CTNND2: variants seen among roughly 807,000 people sequenced by gnomAD.
The protein encoded by CTNND2 is catenin delta 2.
In CTNND2, 22 loss-of-function variants were observed where a neutral mutation model predicts 144.4. That is an observed-to-expected ratio of 0.15 (90% CI 0.11 to 0.22). The LOEUF (loss-of-function observed/expected upper bound fraction) is 0.22. CTNND2 is among the 10% of genes least tolerant of loss of function. The probability of loss-of-function intolerance (pLI) is 1.00; values close to 1 mark genes in which losing one functional copy is unlikely to be tolerated. For missense variants in CTNND2, 1,353 were observed against 1,618.8 expected (o/e 0.84, Z 2.82); for synonymous variants, 751 against 695.6 (o/e 1.08, Z -1.25).
intron 9 of CTNND2, among the ~76,000 whole-genome samples, chr5:11,242,395 A>C (rs1318133927): frequency 6.6e-6 from 1 of 152,224 alleles, no homozygotes; most frequent in African/African-American, 2.4e-5. Context: ...CCATAAAACT[A>C]TGTTGCCTGC....
chr5:11,128,488 T>G (rs1561348829), intron 12 of CTNND2, among the ~76,000 whole-genome samples: 1 of 151,452 alleles, frequency 6.6e-6, no homozygotes, highest in African/African-American at 2.4e-5. Flanking sequence ...TATTTTGTTT[T>G]TTTAAGTCAT....
intron 7 of CTNND2, among the ~76,000 whole-genome samples, chr5:11,382,595 C>CTGTGTA (rs755324887): frequency 1.7e-4 from 22 of 130,234 alleles, no homozygotes; most frequent in East Asian, 6.5e-4. Flanking sequence ...GAGTGAGACT[C>CTGTGTA]TGTGTGTGTG....
At chr5:11,816,453 T>C (rs1190387842) in intron 1 of CTNND2, among the ~76,000 whole-genome samples, 2 of 150,984 alleles carry the variant, frequency 1.3e-5, no homozygotes, top group Admixed American at 1.3e-4. Flanking sequence ...TGCATCAGGG[T>C]CTACGCAGAA....
At chr5:11,845,658 T>C (rs1794698830) in intron 1 of CTNND2, among the ~76,000 whole-genome samples, 1 of 152,230 alleles carries the variant, frequency 6.6e-6, no homozygotes, top group Non-Finnish European at 1.5e-5. Context: ...TCCAAAACTA[T>C]GTTTTTATTA....
intron 10 of CTNND2, among the ~76,000 whole-genome samples, chr5:11,216,494 G>A (rs1739214766): frequency 6.6e-6 from 1 of 152,222 alleles, no homozygotes; most frequent in South Asian, 2.1e-4. Flanking sequence ...GAGTGAAGGG[G>A]CCATAGACCA....
chr5:11,205,259 T>A (rs1014451954), intron 10 of CTNND2, among the ~76,000 whole-genome samples: 1 of 152,174 alleles, frequency 6.6e-6, no homozygotes, highest in Admixed American at 6.5e-5. Context: ...ATGGATACTA[T>A]GTACTATAGT....
chr5:11,428,446 G>A (rs534645412), intron 3 of CTNND2, among the ~76,000 whole-genome samples: 71 of 152,232 alleles, frequency 4.7e-4, no homozygotes, highest in Admixed American at 3.3e-4. Flanking sequence ...CCTTAGATGA[G>A]GCCAACTGAG....
At chr5:11,578,040 C>T (rs1267534292) in intron 2 of CTNND2, among the ~76,000 whole-genome samples, 1 of 151,960 alleles carries the variant, frequency 6.6e-6, no homozygotes, top group Admixed American at 6.6e-5. Flanking sequence ...GTTCTTACAC[C>T]CAAAAAAATA....
intron 2 of CTNND2, among the ~76,000 whole-genome samples, chr5:11,618,292 C>G (rs948911122): frequency 6.6e-6 from 1 of 152,124 alleles, no homozygotes. Flanking sequence ...ACTGTGGAAT[C>G]AAAGAGAAGC....
rs1758910610 is a variant in CTNND2, at chr5:11,385,017, A to C, written c.825T>G (p.Gly275=). ...CGCCGCGCTGCAGCTTGGTGGGCGA[A>C]CCGCCCTGGGGCGCGGCCAGCGGGG... ...GGSPLAAPQG[G]SPTKLQRGGS... The change falls in exon 7 of 22, where the codon GGT becomes GGG. Residue 275 remains glycine, a synonymous_variant. Transcript: ENST00000304623. 10 of 1,454,272 alleles carry C rather than the reference A, an allele frequency of 6.9e-6. No individual in the cohort carries two copies. The highest frequency in any genetic ancestry group is 8.1e-6 in the Non-Finnish European group (9 of 1,109,664). 90.1% of individuals were successfully genotyped at this position (1,454,272 alleles called of 1,614,324 possible).
intron 1 of CTNND2, among the ~76,000 whole-genome samples, chr5:11,902,045 T>C (rs1737939465): frequency 6.6e-6 from 1 of 152,216 alleles, no homozygotes; most frequent in African/African-American, 2.4e-5. Flanking sequence ...CTAATCACAG[T>C]ATTCAATCAA....
intron 16 of CTNND2, among the ~76,000 whole-genome samples, chr5:11,064,349 C>T (rs754176146): frequency 2.6e-5 from 4 of 152,176 alleles, no homozygotes; most frequent in East Asian, 1.9e-4. Context: ...ATCTAGTCAC[C>T]GCATAACTGA....
chr5:11,509,047 T>A (rs1771370199), intron 3 of CTNND2, among the ~76,000 whole-genome samples: 1 of 152,236 alleles, frequency 6.6e-6, no homozygotes, highest in Non-Finnish European at 1.5e-5. Flanking sequence ...GATGTTAACA[T>A]GATTTAACTT....
At chr5:11,861,675 G>GTC (rs1560937482) in intron 1 of CTNND2, among the ~76,000 whole-genome samples, 2 of 152,126 alleles carry the variant, frequency 1.3e-5, no homozygotes, top group African/African-American at 2.4e-5. Flanking sequence ...ACTCGATCAC[G>GTC]TCCCTTCTCT....
intron 3 of CTNND2, among the ~76,000 whole-genome samples, chr5:11,458,357 C>G (rs1436867785): frequency 1.3e-5 from 2 of 152,140 alleles, no homozygotes; most frequent in Non-Finnish European, 2.9e-5. Flanking sequence ...GGAGTGAAGT[C>G]CACACCAGCT....
intron 1 of CTNND2, among the ~76,000 whole-genome samples, chr5:11,806,236 T>G (rs754934914): frequency 6.6e-6 from 1 of 152,156 alleles, no homozygotes; most frequent in Non-Finnish European, 1.5e-5. Context: ...ATGTTCAAGA[T>G]GTTCAGATGA....
intron 2 of CTNND2, among the ~76,000 whole-genome samples, chr5:11,586,594 C>T (rs1778877718): frequency 6.6e-6 from 1 of 152,140 alleles, no homozygotes; most frequent in African/African-American, 2.4e-5. Context: ...TAGGATTTTC[C>T]AACTTGGCCA....
chr5:11,200,742 C>G (rs1474706898), intron 10 of CTNND2, among the ~76,000 whole-genome samples: 1 of 152,050 alleles, frequency 6.6e-6, no homozygotes, highest in Non-Finnish European at 1.5e-5. Context: ...GCAGTGGCGC[C>G]ATCTCGGCTC....
chr5:11,596,297 C>A (rs1026669933), intron 2 of CTNND2, among the ~76,000 whole-genome samples: 1 of 152,120 alleles, frequency 6.6e-6, no homozygotes, highest in Non-Finnish European at 1.5e-5. Flanking sequence ...TAGCTCATGT[C>A]TTTACTTGAT....
Sources: allele counts gnomAD v4.1 joint callset (sites outside exome capture counted in the v4.1 genomes callset), GRCh38; gene constraint gnomAD v4.1.1; transcripts MANE v1.5; gene names NCBI Gene and HGNC (gene_info 2026-07-23, HGNC 2026-07-21).